Variants in CNTN5 observed in about 807,000 individuals in gnomAD.
The protein encoded by CNTN5 is contactin 5, also known as contactin-5.
In CNTN5, 77 loss-of-function variants were observed where a neutral mutation model predicts 129.1. That is an observed-to-expected ratio of 0.60 (90% CI 0.50 to 0.72). The LOEUF (loss-of-function observed/expected upper bound fraction) is 0.72, where lower values mean the gene tolerates loss of function less well. CNTN5 is among the 30% of genes least tolerant of loss of function. The probability of loss-of-function intolerance (pLI) is 0.00; values close to 1 mark genes in which losing one functional copy is unlikely to be tolerated. For missense variants in CNTN5, 1,478 were observed against 1,328.8 expected, an observed-to-expected ratio of 1.11 and a Z score of -1.75; for synonymous variants, 509 against 465.6, an observed-to-expected ratio of 1.09 and a Z score of -1.20.
At chr11:99,760,341 G>A (rs1944537568) in intron 3 of CNTN5, among the ~76,000 whole-genome samples, 1 of 152,050 alleles carries the variant, frequency 6.6e-6, no homozygotes, top group Admixed American at 6.6e-5. Context: ...GGATCTGGGG[G>A]CCATGGGCTA....
At position 99,901,521 on chromosome 11, in the gene CNTN5, G is replaced by T. The variant is rs1271023911; in HGVS notation, c.578-14533G>T. On this transcript the variant is annotated intron_variant, in intron 6 of 24. Coordinates refer to ENST00000524871, the MANE Select transcript of CNTN5 (RefSeq NM_014361.4). ...GTGACCAGGCTAGTCTCGAACTCCT[G>T]ACCTCAAGTGACCTGCCCACTTTGG... Among the ~76,000 whole-genome samples, 3 of 152,182 alleles carry T rather than the reference G, an allele frequency of 2.0e-5. No individual in the cohort carries two copies. In the South Asian group the frequency reaches 6.2e-4, roughly 32 times the overall value.
intron 1 of CNTN5, among the ~76,000 whole-genome samples, chr11:99,045,909 A>T (rs1864185759): frequency 6.6e-6 from 1 of 152,196 alleles, no homozygotes; most frequent in Non-Finnish European, 1.5e-5. Context: ...TAGAGTCTTG[A>T]GTAGCAGGTG....
At chr11:99,245,597 A>G (rs951064767) in intron 1 of CNTN5, among the ~76,000 whole-genome samples, 1 of 152,198 alleles carries the variant, frequency 6.6e-6, no homozygotes, top group African/African-American at 2.4e-5. Flanking sequence ...CTGAAATTAC[A>G]GGCGTGAGCC....
chr11:100,136,627 A>G (rs930763623), intron 13 of CNTN5, among the ~76,000 whole-genome samples: 1 of 152,028 alleles, frequency 6.6e-6, no homozygotes, highest in African/African-American at 2.4e-5. Context: ...TACCAGGACA[A>G]TATCACAAGT....
intron 21 of CNTN5, among the ~76,000 whole-genome samples, chr11:100,338,819 G>A (rs749889314): frequency 6.6e-6 from 1 of 151,988 alleles, no homozygotes; most frequent in Non-Finnish European, 1.5e-5. Context: ...CTAAGCCCCA[G>A]AGGGAATGTT....
intron 15 of CNTN5, among the ~76,000 whole-genome samples, chr11:100,218,556 A>G: frequency 6.6e-6 from 1 of 152,168 alleles, no homozygotes; most frequent in African/African-American, 2.4e-5. Flanking sequence ...CTCATACTTG[A>G]TATAGTGCTT....
At chr11:100,047,868 C>T (rs1426378066) in intron 9 of CNTN5, among the ~76,000 whole-genome samples, 1 of 152,030 alleles carries the variant, frequency 6.6e-6, no homozygotes, top group Non-Finnish European at 1.5e-5. Context: ...GGCGGTGGTT[C>T]ACGCTGTAAT....
At chr11:99,904,011 C>G (rs1431884042) in intron 6 of CNTN5, among the ~76,000 whole-genome samples, 1 of 152,098 alleles carries the variant, frequency 6.6e-6, no homozygotes, top group Non-Finnish European at 1.5e-5. Flanking sequence ...GCAAATATAA[C>G]AGATGCTGGT....
At chr11:99,800,183 T>C (rs1325933931) in intron 3 of CNTN5, among the ~76,000 whole-genome samples, 8 of 152,142 alleles carry the variant, frequency 5.3e-5, no homozygotes, top group African/African-American at 1.9e-4. Flanking sequence ...ATTTATTTCA[T>C]AGAAGTTTTA....
chr11:99,960,077 C>A (rs1214591015), intron 8 of CNTN5, among the ~76,000 whole-genome samples: 1 of 152,142 alleles, frequency 6.6e-6, no homozygotes, highest in Non-Finnish European at 1.5e-5. Context: ...TGTTGTTGTT[C>A]CATAAGGTTC....
At chr11:99,883,336 G>C (rs1461441068) in intron 6 of CNTN5, among the ~76,000 whole-genome samples, 1 of 152,170 alleles carries the variant, frequency 6.6e-6, no homozygotes, top group Non-Finnish European at 1.5e-5. Context: ...TCCACCAACA[G>C]TGTATGAGGG....
chr11:100,127,873 C>T (rs994116784), intron 13 of CNTN5, among the ~76,000 whole-genome samples: 1 of 151,820 alleles, frequency 6.6e-6, no homozygotes, highest in Admixed American at 6.6e-5. Context: ...CTTGGCCAGG[C>T]TGGTCTTGAA....
intron 9 of CNTN5, chr11:100,003,741 C>T (rs1351913172): frequency 6.6e-6 from 1 of 152,096 alleles, no homozygotes; most frequent in Non-Finnish European, 1.5e-5. Context: ...CACTTATGTT[C>T]TTTTAATATG....
chr11:99,425,726 A>C (rs1943091785), intron 2 of CNTN5, among the ~76,000 whole-genome samples: 1 of 152,188 alleles, frequency 6.6e-6, no homozygotes, highest in African/African-American at 2.4e-5. Flanking sequence ...AGGGATGCCG[A>C]GGTCTGCAGC....
At chr11:99,058,021 G>GT (rs1404617611) in intron 1 of CNTN5, among the ~76,000 whole-genome samples, 1 of 152,144 alleles carries the variant, frequency 6.6e-6, no homozygotes, top group Non-Finnish European at 1.5e-5. Context: ...GACCTCCCTA[G>GT]TTTTTTCCTA....
At chr11:99,118,278 T>A (rs1358562367) in intron 1 of CNTN5, among the ~76,000 whole-genome samples, 1 of 152,048 alleles carries the variant, frequency 6.6e-6, no homozygotes, top group African/African-American at 2.4e-5. Context: ...TTATAGTGGG[T>A]GTGTATTGGT....
At chr11:100,058,846 T>C (rs992810553) in intron 9 of CNTN5, among the ~76,000 whole-genome samples, 1 of 152,164 alleles carries the variant, frequency 6.6e-6, no homozygotes, top group Non-Finnish European at 1.5e-5. Flanking sequence ...CATTTTGTTA[T>C]TTAAAAGAAA....
rs1012341003 is a variant in CNTN5, at chr11:99,280,963, A to G, written c.-209-44383A>G. Reference sequence around the variant, plus strand: ...CAAGGAAATAAAAAGAGACTTGCAGATTAAAAAAAATCACATAAAATTTCT... The same window carrying G: ...CAAGGAAATAAAAAGAGACTTGCAGGTTAAAAAAAATCACATAAAATTTCT... On this transcript the variant is annotated intron_variant, in intron 1 of 24. Coordinates refer to ENST00000524871, the MANE Select transcript of CNTN5 (RefSeq NM_014361.4). 4.0e-5 allele frequency among the ~76,000 whole-genome samples: 6 copies of G among 149,730 alleles called. No individual in the cohort carries two copies. In the South Asian group the frequency reaches 1.3e-3, roughly 32 times the overall value.
intron 3 of CNTN5, among the ~76,000 whole-genome samples, chr11:99,577,225 A>C (rs1389099011): frequency 1.3e-5 from 2 of 152,132 alleles, no homozygotes; most frequent in Non-Finnish European, 2.9e-5. Context: ...GCAGGGAGAA[A>C]TGTCCAGCAC....
Sources: allele counts gnomAD v4.1 joint callset (sites outside exome capture counted in the v4.1 genomes callset), GRCh38; gene constraint gnomAD v4.1.1; transcripts MANE v1.5; gene names NCBI Gene and HGNC (gene_info 2026-07-23, HGNC 2026-07-21).